The following ZNF254 variants were observed in gnomAD, a reference collection of about 807,000 sequenced individuals.
ZNF254 encodes the protein zinc finger protein 254.
Under a neutral mutation model 12.4 loss-of-function variants are expected in ZNF254, and 10 were observed. The ratio of observed to expected loss-of-function variants is 0.80; its 90% CI spans 0.50 to 1.36. ZNF254 has a LOEUF of 1.36. ZNF254 is among the 40% of genes most tolerant of loss of function. ZNF254 has a pLI of 0.00. For missense variants in ZNF254, 996 were observed against 763.9 expected (o/e 1.30, Z -3.58); for synonymous variants, 305 against 253.4 (o/e 1.20, Z -1.93).
chr19:24,034,065 C>G (rs941905257), intron 1 of ZNF254, among the ~76,000 whole-genome samples: 3 of 152,126 alleles, frequency 2.0e-5, no homozygotes, highest in African/African-American at 7.2e-5. Context: ...TCAAGCGATT[C>G]TCGTGCCTCA....
At chr19:24,114,884 C>G (rs1973932482) in intron 3 of ZNF254, among the ~76,000 whole-genome samples, 3 of 152,186 alleles carry the variant, frequency 2.0e-5, no homozygotes, top group African/African-American at 7.2e-5. Context: ...AGACACTTCT[C>G]AAAAGAAGAC....
intron 3 of ZNF254, among the ~76,000 whole-genome samples, chr19:24,122,706 G>C (rs1011874745): frequency 3.3e-5 from 5 of 151,990 alleles, no homozygotes; most frequent in African/African-American, 1.2e-4. Context: ...TGAAGACTGA[G>C]TGATATTTCA....
chr19:24,098,103 G>A (rs1972779052), intron 1 of ZNF254, among the ~76,000 whole-genome samples: 1 of 152,060 alleles, frequency 6.6e-6, no homozygotes, highest in Non-Finnish European at 1.5e-5. Context: ...TAAAGAAAAT[G>A]TTTAAAAATT....
intron 1 of ZNF254, among the ~76,000 whole-genome samples, chr19:24,045,330 A>G (rs900029071): frequency 6.6e-6 from 1 of 152,052 alleles, no homozygotes; most frequent in African/African-American, 2.4e-5. Context: ...TGCTTCTGTA[A>G]AATTGCTTCA....
intron 1 of ZNF254, among the ~76,000 whole-genome samples, chr19:24,035,776 C>T (rs901875005): frequency 1.3e-5 from 2 of 152,082 alleles, no homozygotes; most frequent in Non-Finnish European, 2.9e-5. Context: ...GTATTTTGTT[C>T]TAACTACTGA....
chr19:24,110,531 G>A (rs1442507125), intron 3 of ZNF254, among the ~76,000 whole-genome samples: 4 of 151,636 alleles, frequency 2.6e-5, no homozygotes, highest in South Asian at 2.1e-4. Flanking sequence ...GTGCCATTGC[G>A]TGCAAGCTTG....
upstream of ZNF254, chr19:24,087,147 A>G: frequency 1.2e-6 from 1 of 843,654 alleles, no homozygotes; most frequent in Non-Finnish European, 1.9e-6. Context: ...AATCAGGCAC[A>G]CAGCTGGACT....
intron 2 of ZNF254, among the ~76,000 whole-genome samples, chr19:24,055,265 G>T (rs1970805487): frequency 2.2e-5 from 3 of 137,576 alleles, no homozygotes; most frequent in African/African-American, 8.4e-5. Flanking sequence ...ACACAGAGGA[G>T]ATTTTCTCTT....
Position 24,127,195 on chromosome 19 carries a change from A to C in ZNF254, c.1195A>C (p.Ile399Leu), listed in dbSNP as rs1974930313. The stretch of plus-strand genomic sequence containing the variant: ...CTCAACTCTTACTACACATAAAATA[A>C]TTCATGTTGGAGAGAAACTCTACAA... ...QLSTLTTHKI[I>L]HVGEKLYKCE... Residue 399 changes from isoleucine (I) to leucine (L), a missense_variant, in exon 4 of 4, where the codon ATT becomes CTT. Physicochemically the swap from Ile to Leu is conservative, Grantham distance 5 (BLOSUM62 2). Coordinates refer to ENST00000357002, the MANE Select transcript of ZNF254 (RefSeq NM_203282.4). 1.2e-6 allele frequency: 2 copies of C among 1,613,386 alleles called. No individual in the cohort carries two copies. The highest frequency in any genetic ancestry group is 1.7e-5 in the Admixed American group (1 of 59,854).
chr19:24,101,510 G>A (rs761873037), intron 1 of ZNF254, among the ~76,000 whole-genome samples: 1 of 152,210 alleles, frequency 6.6e-6, no homozygotes, highest in Non-Finnish European at 1.5e-5. Context: ...TCTCTTAAGT[G>A]TAAAGAAGCA....
intron 1 of ZNF254, 84 bp downstream of exon 1, chr19:24,087,421 TC>T (rs1568447259): frequency 3.2e-6 from 5 of 1,554,664 alleles, no homozygotes; most frequent in Non-Finnish European, 4.4e-6. Context: ...GACTCAGGCC[TC>T]CCCCCAGTCA....
intron 1 of ZNF254, among the ~76,000 whole-genome samples, chr19:24,101,591 A>G (rs541231078): frequency 6.6e-6 from 1 of 152,340 alleles, no homozygotes; most frequent in South Asian, 2.1e-4. Flanking sequence ...CCTGGAAAAT[A>G]TGATATTAGA....
chr19:24,121,241 GT>G (rs199829715), intron 3 of ZNF254, among the ~76,000 whole-genome samples: 1 of 149,894 alleles, frequency 6.7e-6, no homozygotes, highest in Non-Finnish European at 1.5e-5. Flanking sequence ...CCACTGTATT[GT>G]TTTTTTTTCC....
intron 2 of ZNF254, 176 bp from the exon 3 acceptor site, chr19:24,106,372 A>C (rs1973340425): frequency 1.8e-6 from 1 of 545,882 alleles, no homozygotes; most frequent in Non-Finnish European, 2.8e-6. Flanking sequence ...AGGCAGTGAA[A>C]TTAAGAACCT....
At chr19:24,047,423 G>A (rs1266198385) in intron 2 of ZNF254, among the ~76,000 whole-genome samples, 1 of 150,376 alleles carries the variant, frequency 6.6e-6, no homozygotes, top group African/African-American at 2.5e-5. Flanking sequence ...ATGCCATCAT[G>A]CCTGGCTAAA....
At chr19:24,075,855 A>G (rs1021055314) in intron 2 of ZNF254, among the ~76,000 whole-genome samples, 2 of 152,160 alleles carry the variant, frequency 1.3e-5, no homozygotes, top group African/African-American at 2.4e-5. Context: ...TGGTTATTTT[A>G]GAGGCCTCAC....
At chr19:24,062,568 T>C (rs62114827) in intron 2 of ZNF254, among the ~76,000 whole-genome samples, 22,578 of 152,186 alleles carry the variant, frequency 0.15, 1,933 homozygotes, top group Middle Eastern at 0.23. Flanking sequence ...CAAGAGAGTG[T>C]CCTGACAGAG....
chr19:24,060,377 C>T (rs548402006), intron 2 of ZNF254, among the ~76,000 whole-genome samples: 6 of 152,146 alleles, frequency 3.9e-5, no homozygotes, highest in Middle Eastern at 3.4e-3. Flanking sequence ...GGCCCATCAG[C>T]GAAATTATTT....
At chr19:24,099,536 C>G (rs537293949) in intron 1 of ZNF254, among the ~76,000 whole-genome samples, 1 of 152,122 alleles carries the variant, frequency 6.6e-6, no homozygotes, top group South Asian at 2.1e-4. Flanking sequence ...AAGACAGCAC[C>G]CTTTTCAGTC....
Sources: allele counts gnomAD v4.1 joint callset (sites outside exome capture counted in the v4.1 genomes callset), GRCh38; gene constraint gnomAD v4.1.1; transcripts MANE v1.5; gene names NCBI Gene and HGNC (gene_info 2026-07-23, HGNC 2026-07-21).